CPA6: variants seen among roughly 807,000 people sequenced by gnomAD.
The protein encoded by CPA6 is carboxypeptidase B.
A neutral mutation model predicts 63.3 loss-of-function variants in CPA6; 58 were observed. The ratio of observed to expected loss-of-function variants is 0.92; its 90% CI spans 0.74 to 1.14. The LOEUF (loss-of-function observed/expected upper bound fraction) is 1.14, where lower values mean the gene tolerates loss of function less well. Ranked by LOEUF, CPA6 falls within the 50% of genes most tolerant of loss-of-function variation. The pLI is 0.00. For missense variants in CPA6, 565 were observed against 526.6 expected, an observed-to-expected ratio of 1.07 and a Z score of -0.71; for synonymous variants, 185 against 179.0, an observed-to-expected ratio of 1.03 and a Z score of -0.27.
chr8:67,573,315 AAAG>A (rs1186599273), intron 2 of CPA6, among the ~76,000 whole-genome samples: 2 of 152,218 alleles, frequency 1.3e-5, no homozygotes, highest in Admixed American at 6.5e-5. Context: ...TCCAAACAGG[AAAG>A]AAGAAGTTAA....
chr8:67,608,581 G>A (rs1460266941), intron 2 of CPA6, among the ~76,000 whole-genome samples: 1 of 152,116 alleles, frequency 6.6e-6, no homozygotes, highest in Non-Finnish European at 1.5e-5. Flanking sequence ...TGGATGCTGG[G>A]CAAGGACCCA....
At chr8:67,628,541 C>G (rs1815244790) in intron 1 of CPA6, among the ~76,000 whole-genome samples, 1 of 152,206 alleles carries the variant, frequency 6.6e-6, no homozygotes, top group Non-Finnish European at 1.5e-5. Flanking sequence ...TCCATCTTCC[C>G]TTTGTAGCCA....
chr8:67,546,643 G>A (rs1812824043), intron 2 of CPA6, among the ~76,000 whole-genome samples: 1 of 152,134 alleles, frequency 6.6e-6, no homozygotes, highest in Admixed American at 6.5e-5. Flanking sequence ...CATGTCCAGA[G>A]TTCTTGATTC....
chr8:67,538,512 GTTTTT>G (rs139665944), intron 2 of CPA6, among the ~76,000 whole-genome samples: 3 of 90,770 alleles, frequency 3.3e-5, no homozygotes, highest in African/African-American at 1.3e-4. Context: ...TGCAACCCCT[GTTTTT>G]TTTTTTTTTT....
chr8:67,669,723 C>T (rs908246826), intron 1 of CPA6, among the ~76,000 whole-genome samples: 1 of 151,996 alleles, frequency 6.6e-6, no homozygotes, highest in African/African-American at 2.4e-5. Flanking sequence ...AAAGAGTTCA[C>T]CACAGACGTT....
chr8:67,495,511 T>G (rs1811692718), intron 6 of CPA6, among the ~76,000 whole-genome samples: 1 of 152,178 alleles, frequency 6.6e-6, no homozygotes, highest in Non-Finnish European at 1.5e-5. Flanking sequence ...TTTTTTTCAC[T>G]TTCCATTCCT....
At chr8:67,674,832 T>C (rs982652827) in intron 1 of CPA6, among the ~76,000 whole-genome samples, 1 of 151,988 alleles carries the variant, frequency 6.6e-6, no homozygotes, top group Non-Finnish European at 1.5e-5. Context: ...CACGGAATAC[T>C]ACACAGCCAT....
chr8:67,652,605 ATTTG>A (rs1438854456), intron 1 of CPA6, among the ~76,000 whole-genome samples: 1 of 150,238 alleles, frequency 6.7e-6, no homozygotes, highest in Non-Finnish European at 1.5e-5. Flanking sequence ...TTTCTTGTAA[ATTTG>A]TTTGAGTTCA....
chr8:67,453,673 C>T (rs1468018156), intron 8 of CPA6, among the ~76,000 whole-genome samples: 1 of 151,856 alleles, frequency 6.6e-6, no homozygotes, highest in Non-Finnish European at 1.5e-5. Flanking sequence ...AGAGGACCAA[C>T]AAAATAGATT....
At chr8:67,714,137 ATC>A (rs1470896575) in intron 1 of CPA6, among the ~76,000 whole-genome samples, 1 of 152,210 alleles carries the variant, frequency 6.6e-6, no homozygotes, top group African/African-American at 2.4e-5. Context: ...TCATAAATGT[ATC>A]TGTTTATTAT....
intron 1 of CPA6, among the ~76,000 whole-genome samples, chr8:67,675,921 A>G (rs866544595): frequency 1.3e-5 from 2 of 152,326 alleles, no homozygotes; most frequent in African/African-American, 4.8e-5. Flanking sequence ...GTGTGATCAT[A>G]GTGCACTACA....
At chr8:67,534,602 T>G (rs1812545862) in intron 2 of CPA6, among the ~76,000 whole-genome samples, 1 of 152,208 alleles carries the variant, frequency 6.6e-6, no homozygotes, top group Admixed American at 6.5e-5. Flanking sequence ...GTAATATCCT[T>G]TGGCAGTATC....
At chr8:67,646,714 A>T (rs1815721694) in intron 1 of CPA6, among the ~76,000 whole-genome samples, 1 of 152,208 alleles carries the variant, frequency 6.6e-6, no homozygotes. Context: ...CCCATGAATC[A>T]ATTTTTGAAA....
intron 1 of CPA6, among the ~76,000 whole-genome samples, chr8:67,704,209 T>C (rs1817084635): frequency 1.3e-5 from 2 of 152,234 alleles, no homozygotes; most frequent in African/African-American, 4.8e-5. Flanking sequence ...GCATTTGTTC[T>C]GTATGTTACC....
intron 1 of CPA6, among the ~76,000 whole-genome samples, chr8:67,660,478 C>T (rs938805114): frequency 2.7e-5 from 4 of 147,784 alleles, no homozygotes; most frequent in African/African-American, 1.0e-4. Flanking sequence ...TGCAGGCACA[C>T]GGCATCATGC....
At chr8:67,513,102 G>T (rs1176891386) in intron 3 of CPA6, among the ~76,000 whole-genome samples, 1 of 152,170 alleles carries the variant, frequency 6.6e-6, no homozygotes, top group East Asian at 1.9e-4. Context: ...GGTAAGGTGA[G>T]GTGGCTCAAA....
chr8:67,544,330 G>A (rs1315980016), intron 2 of CPA6, among the ~76,000 whole-genome samples: 1 of 152,172 alleles, frequency 6.6e-6, no homozygotes, highest in Non-Finnish European at 1.5e-5. Context: ...TTACAGGAAG[G>A]AACGCTTCCG....
chr8:67,444,009 T>C (rs1157537585), intron 8 of CPA6, among the ~76,000 whole-genome samples: 1 of 145,232 alleles, frequency 6.9e-6, no homozygotes, highest in Non-Finnish European at 1.5e-5. Flanking sequence ...TTTTTTTTTC[T>C]GAGACGGAGT....
intron 6 of CPA6, among the ~76,000 whole-genome samples, chr8:67,502,939 A>G (rs1296319519): frequency 3.3e-5 from 5 of 152,206 alleles, no homozygotes; most frequent in Admixed American, 6.5e-5. Flanking sequence ...TTGAAAAGAA[A>G]GTGTATTCTG....
Sources: gnomAD v4.1 joint callset for allele counts (sites outside exome capture counted in the v4.1 genomes callset) on GRCh38, gnomAD v4.1.1 for gene constraint, MANE v1.5 for transcripts, NCBI Gene and HGNC (gene_info 2026-07-23, HGNC 2026-07-21) for gene names.